Variants in MAP2 observed in about 807,000 individuals in gnomAD.
The protein encoded by MAP2 is microtubule associated protein 2, also known as microtubule-associated protein 2.
MAP2 carries 14 observed loss-of-function variants against 137.6 expected under a neutral mutation model. That is an observed-to-expected ratio of 0.10 (90% confidence interval 0.07 to 0.16). MAP2 has a LOEUF of 0.16. Among genes scored for constraint, MAP2 ranks in the 10% least tolerant of loss-of-function variants. The probability of loss-of-function intolerance (pLI) is 1.00; values close to 1 mark genes in which losing one functional copy is unlikely to be tolerated. For missense variants in MAP2, 2,088 were observed against 2,191.5 expected (o/e 0.95, Z 0.94); for synonymous variants, 786 against 782.3 (o/e 1.00, Z -0.08).
chr2:209,648,621 C>CAAAAAAAAAAAA (rs1228232293), intron 4 of MAP2, among the ~76,000 whole-genome samples: 1 of 50,996 alleles, frequency 2.0e-5, no homozygotes, highest in Admixed American at 2.5e-4. Context: ...ACTAAAAATA[C>CAAAAAAAAAAAA]AAAAAAAAAA....
intron 1 of MAP2, among the ~76,000 whole-genome samples, chr2:209,460,724 G>A (rs562562085): frequency 3.0e-4 from 46 of 150,922 alleles, no homozygotes; most frequent in Non-Finnish European, 2.2e-4. Flanking sequence ...ATCTTACTTT[G>A]TGGGTAATTA....
At chr2:209,636,018 G>A (rs1283755568) in intron 4 of MAP2, among the ~76,000 whole-genome samples, 3 of 152,098 alleles carry the variant, frequency 2.0e-5, no homozygotes, top group Non-Finnish European at 4.4e-5. Context: ...CCTAAGAAGT[G>A]TGATGATTTT....
chr2:209,662,010 G>C (rs1333175306), intron 5 of MAP2, among the ~76,000 whole-genome samples: 1 of 152,154 alleles, frequency 6.6e-6, no homozygotes, highest in Non-Finnish European at 1.5e-5. Context: ...CTGTAGTCCA[G>C]TCTTAAGGTA....
chr2:209,642,364 C>G (rs2094104509), intron 4 of MAP2, among the ~76,000 whole-genome samples: 1 of 150,124 alleles, frequency 6.7e-6, no homozygotes, highest in Non-Finnish European at 1.5e-5. Flanking sequence ...GTGTTTGAGA[C>G]TGCAGCGAGC....
intron 3 of MAP2, among the ~76,000 whole-genome samples, chr2:209,589,432 A>C (rs926530504): frequency 6.6e-6 from 1 of 152,172 alleles, no homozygotes; most frequent in East Asian, 1.9e-4. Context: ...CAGATAAATG[A>C]GTGTATTGCC....
chr2:209,557,861 A>G (rs538423386), intron 2 of MAP2, among the ~76,000 whole-genome samples: 1 of 152,326 alleles, frequency 6.6e-6, no homozygotes, highest in African/African-American at 2.4e-5. Flanking sequence ...CTGTACTCTC[A>G]TGGTGCCTTA....
chr2:209,562,000 T>C (rs929164280), intron 2 of MAP2, among the ~76,000 whole-genome samples: 1 of 152,188 alleles, frequency 6.6e-6, no homozygotes, highest in African/African-American at 2.4e-5. Context: ...TGTCATTTTG[T>C]TTGATAATTA....
intron 2 of MAP2, among the ~76,000 whole-genome samples, chr2:209,515,059 C>G (rs144282816): frequency 6.6e-6 from 1 of 152,112 alleles, no homozygotes; most frequent in South Asian, 2.1e-4. Flanking sequence ...CATAACAAAC[C>G]GACATGGATT....
chr2:209,464,683 A>C (rs933412325), intron 1 of MAP2, among the ~76,000 whole-genome samples: 1 of 152,088 alleles, frequency 6.6e-6, no homozygotes, highest in African/African-American at 2.4e-5. Flanking sequence ...TTAGGTTAGA[A>C]AAAAATCAAC....
chr2:209,506,074 T>C (rs1325685275), intron 1 of MAP2, among the ~76,000 whole-genome samples: 1 of 152,168 alleles, frequency 6.6e-6, no homozygotes, highest in Non-Finnish European at 1.5e-5. Flanking sequence ...GTTGGCTTTA[T>C]AGCCAAAAAA....
intron 14 of MAP2, among the ~76,000 whole-genome samples, chr2:209,726,430 T>C (rs2074026928): frequency 6.6e-6 from 1 of 152,170 alleles, no homozygotes; most frequent in African/African-American, 2.4e-5. Flanking sequence ...GAGTCACTTT[T>C]TCTGAATATC....
At chr2:209,586,342 C>T (rs1352153466) in intron 3 of MAP2, among the ~76,000 whole-genome samples, 2 of 151,940 alleles carry the variant, frequency 1.3e-5, no homozygotes, top group Non-Finnish European at 2.9e-5. Context: ...AGAATTTGGG[C>T]TTGGCATGCA....
chr2:209,537,657 T>C (rs1246421465), intron 2 of MAP2, among the ~76,000 whole-genome samples: 3 of 152,182 alleles, frequency 2.0e-5, no homozygotes, highest in Admixed American at 2.0e-4. Context: ...CTAGTAGCCA[T>C]TCTTTTAATA....
At chr2:209,660,356 C>A (rs1048005339) in intron 5 of MAP2, among the ~76,000 whole-genome samples, 3 of 148,978 alleles carry the variant, frequency 2.0e-5, no homozygotes, top group African/African-American at 7.4e-5. Context: ...GTGACCAACA[C>A]TCAGTTATAT....
intron 1 of MAP2, among the ~76,000 whole-genome samples, chr2:209,490,791 A>G (rs2059012109): frequency 6.6e-6 from 1 of 152,014 alleles, no homozygotes; most frequent in African/African-American, 2.4e-5. Context: ...GAGCACTCAG[A>G]TTTATAAAGC....
intron 7 of MAP2, among the ~76,000 whole-genome samples, chr2:209,684,451 C>T (rs1321825050): frequency 6.6e-6 from 1 of 152,300 alleles, no homozygotes; most frequent in East Asian, 1.9e-4. Context: ...CAGCAGCCAT[C>T]GACCATATGC....
intron 2 of MAP2, among the ~76,000 whole-genome samples, chr2:209,543,418 G>T (rs1215476791): frequency 1.3e-5 from 2 of 152,214 alleles, no homozygotes; most frequent in Admixed American, 6.5e-5. Context: ...GTGAGCACAT[G>T]CTGTTGGAAA....
chr2:209,620,492 A>C (rs1283826496), intron 3 of MAP2, among the ~76,000 whole-genome samples: 1 of 152,216 alleles, frequency 6.6e-6, no homozygotes, highest in East Asian at 1.9e-4. Flanking sequence ...ACTTTGACAA[A>C]AGCTCCAAGA....
chr2:209,513,626 T>C (rs1176549278), intron 2 of MAP2, among the ~76,000 whole-genome samples: 1 of 146,704 alleles, frequency 6.8e-6, no homozygotes, highest in Non-Finnish European at 1.5e-5. Flanking sequence ...CTTTCTCTCT[T>C]GAAAAAACAA....
Sources: allele counts gnomAD v4.1 joint callset (sites outside exome capture counted in the v4.1 genomes callset), GRCh38; gene constraint gnomAD v4.1.1; transcripts MANE v1.5; gene names NCBI Gene and HGNC (gene_info 2026-07-23, HGNC 2026-07-21).